Variants in BPHL observed in about 807,000 individuals in gnomAD.
BPHL encodes the protein serine hydrolase BPHL.
BPHL carries 27 observed loss-of-function variants against 31.2 expected under a neutral mutation model. The ratio of observed to expected loss-of-function variants is 0.87; its 90% CI spans 0.64 to 1.19. The LOEUF (loss-of-function observed/expected upper bound fraction) is 1.19. Ranked by LOEUF, BPHL falls within the 50% of genes most tolerant of loss-of-function variation. The pLI, the probability that BPHL is intolerant of heterozygous loss-of-function variation, is 0.00. For synonymous variants in BPHL, 150 were observed against 146.8 expected (o/e 1.02, Z -0.16); for missense variants, 356 against 375.7 (o/e 0.95, Z 0.43).
At chr6:3,148,022 A>C (rs563449559) in intron 6 of BPHL, among the ~76,000 whole-genome samples, 1 of 152,248 alleles carries the variant, frequency 6.6e-6, no homozygotes, top group Non-Finnish European at 1.5e-5. Context: ...TTATTCAGTC[A>C]GTGGATTCAA....
At chr6:3,132,101 G>T (rs561584466) in intron 4 of BPHL, among the ~76,000 whole-genome samples, 1 of 152,046 alleles carries the variant, frequency 6.6e-6, no homozygotes, top group Non-Finnish European at 1.5e-5. Flanking sequence ...CTGACGTCTC[G>T]CTACTTCCCC....
At chr6:3,152,231 C>G (rs532121291) in intron 6 of BPHL, among the ~76,000 whole-genome samples, 4 of 152,316 alleles carry the variant, frequency 2.6e-5, no homozygotes, top group Admixed American at 1.3e-4. Flanking sequence ...TGATTCAGTT[C>G]CAAATATAAT....
intron 6 of BPHL, among the ~76,000 whole-genome samples, chr6:3,142,343 T>C (rs1180852016): frequency 6.6e-6 from 1 of 152,136 alleles, no homozygotes; most frequent in Non-Finnish European, 1.5e-5. Flanking sequence ...GGTCTCGATC[T>C]CTTGACCTTG....
rs556567574 is a variant in BPHL, at chr6:3,134,603, A to ATTTTTTT, written c.533-2745_533-2739dup. Among the ~76,000 whole-genome samples, 73 of 127,604 alleles carry ATTTTTTT rather than the reference A, an allele frequency of 5.7e-4. 1 individual carries two copies. Among genetic ancestry groups the ATTTTTTT allele is most frequent in the South Asian group, 1.5e-3 (6 of 4,000 alleles). The allele number at this position is 127,604 out of a possible 152,430, so 83.7% of individuals were successfully genotyped here. A position where few individuals can be genotyped will look rare whatever the true frequency, so the allele number is the denominator to read the frequency against. On this transcript the variant is annotated intron_variant, in intron 4 of 6. Transcript: ENST00000380379. ...AGGCGTGTGCCACCGCACCTGGCTAATTTTTTTTTTTTTTTTTTTTGAGAC... is the reference window on the plus strand; with the variant it reads ...AGGCGTGTGCCACCGCACCTGGCTAATTTTTTTTTTTTTTTTTTTTTTTTTTTGAGAC...
In BPHL at chr6:3,152,755, G is replaced by A. The variant is rs1056201352; in HGVS notation, c.*180G>A. 3.1e-5 allele frequency: 17 copies of A among 543,210 alleles called. No individual in the cohort carries two copies. Among genetic ancestry groups the A allele is most frequent in the South Asian group, 2.0e-4 (8 of 40,168 alleles). 33.6% of individuals were successfully genotyped at this position (543,210 alleles called of 1,614,324 possible). On this transcript the variant is annotated 3_prime_UTR_variant, in exon 7 of 7. Transcript: ENST00000380379. The stretch of plus-strand genomic sequence containing the variant: ...CAGCCTCTAGCTTCAGGCTGGGCAC[G>A]GTGGCTCACAGCTATAATCTCAGCA...
At chr6:3,126,475 T>A (rs1761714251) in intron 2 of BPHL, among the ~76,000 whole-genome samples, 1 of 152,112 alleles carries the variant, frequency 6.6e-6, no homozygotes, top group Admixed American at 6.5e-5. Context: ...TCAAAAGTGC[T>A]GAAATAATAC....
intron 2 of BPHL, 56 bp downstream of exon 2, chr6:3,123,816 C>A: frequency 7.2e-7 from 1 of 1,384,946 alleles, no homozygotes; most frequent in Non-Finnish European, 1.0e-6. Flanking sequence ...ATGATGCATT[C>A]ACAATACTAG....
intron 1 of BPHL, among the ~76,000 whole-genome samples, chr6:3,123,014 A>C (rs1380770996): frequency 6.6e-6 from 1 of 152,228 alleles, no homozygotes; most frequent in Non-Finnish European, 1.5e-5. Flanking sequence ...GCCAGCCTGC[A>C]CTTGAGGACC....
chr6:3,132,755 G>A (rs528854289), intron 4 of BPHL, among the ~76,000 whole-genome samples: 38 of 152,262 alleles, frequency 2.5e-4, no homozygotes, highest in African/African-American at 8.7e-4. Flanking sequence ...CACCTGAGCC[G>A]GGGAGGTTGA....
chr6:3,148,789 G>A (rs756295581), intron 6 of BPHL, among the ~76,000 whole-genome samples: 12 of 152,206 alleles, frequency 7.9e-5, no homozygotes, highest in Non-Finnish European at 1.3e-4. Flanking sequence ...TTCAAAAACA[G>A]TGTGGTCTGA....
chr6:3,132,222 C>T (rs1257841519), intron 4 of BPHL, among the ~76,000 whole-genome samples: 3 of 152,222 alleles, frequency 2.0e-5, no homozygotes, highest in South Asian at 4.1e-4. Flanking sequence ...CTCCTCTTGG[C>T]TCCTTGGTCA....
chr6:3,124,613 T>G (rs975561275), intron 2 of BPHL, among the ~76,000 whole-genome samples: 8 of 152,188 alleles, frequency 5.3e-5, no homozygotes, highest in African/African-American at 1.9e-4. Flanking sequence ...TCTCATGCAA[T>G]GTAAATGCTG....
chr6:3,137,327 TTAAACC>T, intron 4 of BPHL, 29 bp from the exon 5 acceptor site: 2 of 1,608,908 alleles, frequency 1.2e-6, no homozygotes, highest in Non-Finnish European at 8.5e-7. Flanking sequence ...TAGTATGAAA[TTAAACC>T]TTTCTTCGCC....
chr6:3,137,214 C>T (rs1762036163), intron 4 of BPHL, 148 bp from the exon 5 acceptor site: 3 of 1,070,526 alleles, frequency 2.8e-6, no homozygotes, highest in Non-Finnish European at 4.0e-6. Flanking sequence ...GCAACCAGGG[C>T]TAAGCCGAGC....
chr6:3,122,226 G>A (rs1161183743), intron 1 of BPHL, among the ~76,000 whole-genome samples: 1 of 152,216 alleles, frequency 6.6e-6, no homozygotes, highest in East Asian at 1.9e-4. Context: ...CTTGCAGTGA[G>A]CCGAGATGGC....
upstream of BPHL, chr6:3,118,446 A>T (rs28413177): frequency 1.5e-3 from 423 of 291,036 alleles, 5 homozygotes; most frequent in East Asian, 0.022. Flanking sequence ...GCGACGAGCG[A>T]GGGCGGGGCA....
intron 6 of BPHL, 64 bp from the exon 7 acceptor site, chr6:3,152,424 G>A: frequency 7.4e-7 from 1 of 1,351,426 alleles, no homozygotes; most frequent in Admixed American, 1.8e-5. Flanking sequence ...ATGTTGGGGA[G>A]AGTGAGGGGT....
chr6:3,119,495 C>A (rs1187915371), intron 1 of BPHL: 1 of 1,614,058 alleles, frequency 6.2e-7, no homozygotes, highest in Non-Finnish European at 8.5e-7. Context: ...TGTCCTCCCA[C>A]CTGTCCCCCC....
chr6:3,127,593 A>T (rs1226908918), intron 3 of BPHL, among the ~76,000 whole-genome samples, 185 bp downstream of exon 3: 1 of 152,222 alleles, frequency 6.6e-6, no homozygotes, highest in Non-Finnish European at 1.5e-5. Flanking sequence ...CTCTCTAGAG[A>T]CACTACCAAA....
Sources: gnomAD v4.1 joint callset for allele counts (sites outside exome capture counted in the v4.1 genomes callset) on GRCh38, gnomAD v4.1.1 for gene constraint, MANE v1.5 for transcripts, NCBI Gene and HGNC (gene_info 2026-07-23, HGNC 2026-07-21) for gene names.